NELL1: variants seen among roughly 807,000 people sequenced by gnomAD.
NELL1 encodes the protein neural EGFL like 1.
In NELL1, 76 loss-of-function variants were observed where a neutral mutation model predicts 107.4. The observed-to-expected ratio is 0.71, with a 90% CI of 0.59 to 0.86. The LOEUF (loss-of-function observed/expected upper bound fraction) is 0.86. Ranked by LOEUF, NELL1 falls within the 40% of genes least tolerant of loss-of-function variation. NELL1 has a pLI of 0.00. For synonymous variants in NELL1, 353 were observed against 341.2 expected (o/e 1.03, Z -0.38); for missense variants, 1,024 against 1,005.5 (o/e 1.02, Z -0.25).
chr11:20,939,377 T>A (rs1262026591), intron 10 of NELL1, among the ~76,000 whole-genome samples: 2 of 151,556 alleles, frequency 1.3e-5, no homozygotes, highest in African/African-American at 4.9e-5. Context: ...TGATACTAGA[T>A]AGAGACCAAA....
chr11:20,791,008 T>C (rs2133990802), intron 3 of NELL1, among the ~76,000 whole-genome samples: 1 of 152,370 alleles, frequency 6.6e-6, no homozygotes, highest in Non-Finnish European at 1.5e-5. Flanking sequence ...TGGAAATTGA[T>C]GAATCTTCCA....
At chr11:20,742,435 A>G (rs1855911976) in intron 2 of NELL1, among the ~76,000 whole-genome samples, 1 of 152,130 alleles carries the variant, frequency 6.6e-6, no homozygotes, top group Non-Finnish European at 1.5e-5. Flanking sequence ...CTCCCCTTAT[A>G]GCACACTGAA....
intron 12 of NELL1, among the ~76,000 whole-genome samples, chr11:21,033,615 T>C (rs1853015805): frequency 6.6e-6 from 1 of 151,522 alleles, no homozygotes; most frequent in Non-Finnish European, 1.5e-5. Context: ...ATATGTACCA[T>C]ATATTTTTTT....
intron 14 of NELL1, among the ~76,000 whole-genome samples, chr11:21,277,827 G>C (rs1315508342): frequency 6.6e-6 from 1 of 152,050 alleles, no homozygotes; most frequent in Non-Finnish European, 1.5e-5. Context: ...CGTGTTCTCA[G>C]TCATAGGTGG....
intron 13 of NELL1, among the ~76,000 whole-genome samples, chr11:21,137,393 A>G (rs1855767368): frequency 6.6e-6 from 1 of 152,236 alleles, no homozygotes; most frequent in African/African-American, 2.4e-5. Context: ...AGAGGATCAT[A>G]CAGGCTCAGG....
At chr11:20,842,371 TAA>T (rs200472794) in intron 3 of NELL1, among the ~76,000 whole-genome samples, 41 of 140,808 alleles carry the variant, frequency 2.9e-4, no homozygotes, top group Non-Finnish European at 2.8e-4. Context: ...AGACTCCGTT[TAA>T]AAAAAAAAAA....
At chr11:20,685,723 G>T (rs1335229229) in intron 2 of NELL1, among the ~76,000 whole-genome samples, 1 of 152,022 alleles carries the variant, frequency 6.6e-6, no homozygotes, top group African/African-American at 2.4e-5. Context: ...TATAGCTTTG[G>T]CTTTTTTTCC....
intron 3 of NELL1, among the ~76,000 whole-genome samples, chr11:20,804,135 T>C (rs1857334515): frequency 6.6e-6 from 1 of 152,214 alleles, no homozygotes; most frequent in African/African-American, 2.4e-5. Flanking sequence ...CTTATAGCTA[T>C]AAACTTCCTT....
intron 15 of NELL1, among the ~76,000 whole-genome samples, chr11:21,412,359 T>A (rs1379093984): frequency 6.6e-6 from 1 of 152,066 alleles, no homozygotes. Flanking sequence ...GAGCTATAAT[T>A]TATAAATGCC....
chr11:20,901,718 A>T (rs1220285501), intron 5 of NELL1, among the ~76,000 whole-genome samples: 1 of 143,748 alleles, frequency 7.0e-6, no homozygotes, highest in African/African-American at 2.4e-5. Context: ...AGCAATCAGC[A>T]GAGTGTGATA....
chr11:20,928,447 A>T lies in NELL1; in HGVS notation c.965A>T (p.His322Leu). The change falls in exon 9 of 20, where the codon CAC becomes CTC. Residue 322 changes from histidine (H) to leucine (L), a missense_variant. By Grantham distance (99) the His-to-Leu change is moderately conservative. Coordinates refer to ENST00000357134, the MANE Select transcript of NELL1 (RefSeq NM_006157.5). ...TGCTCCCCAGACTCCCTCCCAGTGC[A>T]CATTGCTGGCCAGTGCTGTAAGGTC... ...LNCSPDSLPV[H>L]IAGQCCKVCR... 1 of 1,613,980 alleles carries T rather than the reference A, an allele frequency of 6.2e-7. No individual in the cohort carries two copies. Among genetic ancestry groups the T allele is most frequent in the Non-Finnish European group, 8.5e-7 (1 of 1,179,942 alleles).
At chr11:21,309,367 A>G (rs1429820272) in intron 14 of NELL1, among the ~76,000 whole-genome samples, 2 of 147,406 alleles carry the variant, frequency 1.4e-5, no homozygotes, top group African/African-American at 2.5e-5. Context: ...TCTTAGAATG[A>G]TTTTTAAAAT....
intron 4 of NELL1, among the ~76,000 whole-genome samples, chr11:20,852,845 G>A (rs1291737969): frequency 1.3e-5 from 2 of 152,340 alleles, no homozygotes; most frequent in East Asian, 1.9e-4. Flanking sequence ...GAGATGGGAA[G>A]CAAGCTAGGA....
At chr11:21,323,278 G>A (rs1048405858) in intron 14 of NELL1, among the ~76,000 whole-genome samples, 3 of 152,164 alleles carry the variant, frequency 2.0e-5, no homozygotes, top group African/African-American at 7.2e-5. Context: ...ATCACATTGT[G>A]AGACAGAACA....
At chr11:21,031,915 C>T (rs1852967280) in intron 12 of NELL1, among the ~76,000 whole-genome samples, 1 of 151,834 alleles carries the variant, frequency 6.6e-6, no homozygotes, top group Non-Finnish European at 1.5e-5. Context: ...CATTGTGGTG[C>T]ATGCCTGTAG....
chr11:21,332,355 G>T (rs987871040), intron 14 of NELL1, among the ~76,000 whole-genome samples: 3 of 151,712 alleles, frequency 2.0e-5, no homozygotes, highest in Non-Finnish European at 4.4e-5. Flanking sequence ...TCTAATCATT[G>T]TCTCCTGATT....
chr11:20,922,885 C>A (rs890327297), intron 7 of NELL1, among the ~76,000 whole-genome samples: 1 of 152,118 alleles, frequency 6.6e-6, no homozygotes, highest in African/African-American at 2.4e-5. Context: ...TGAGCCCAGG[C>A]AAATGAGGTT....
At chr11:21,413,400 C>T (rs972362682) in intron 15 of NELL1, among the ~76,000 whole-genome samples, 2 of 151,914 alleles carry the variant, frequency 1.3e-5, no homozygotes, top group African/African-American at 4.8e-5. Flanking sequence ...ACCCCATTAT[C>T]CATCTTAGAT....
chr11:20,858,743 C>A (rs1421748944), intron 4 of NELL1, among the ~76,000 whole-genome samples: 1 of 152,148 alleles, frequency 6.6e-6, no homozygotes, highest in Admixed American at 6.5e-5. Context: ...GGAGGGACTG[C>A]AGTATAACTT....
Sources: gnomAD v4.1 joint callset for allele counts (sites outside exome capture counted in the v4.1 genomes callset) on GRCh38, gnomAD v4.1.1 for gene constraint, MANE v1.5 for transcripts, NCBI Gene and HGNC (gene_info 2026-07-23, HGNC 2026-07-21) for gene names.